Variants in DAAM2 observed in about 807,000 individuals in gnomAD.
The protein encoded by DAAM2 is dishevelled associated activator of morphogenesis 2, also known as disheveled-associated activator of morphogenesis 2.
Under a neutral mutation model 120.7 loss-of-function variants are expected in DAAM2, and 39 were observed. The ratio of observed to expected loss-of-function variants is 0.32; its 90% CI spans 0.25 to 0.42. The LOEUF (loss-of-function observed/expected upper bound fraction) is 0.42. DAAM2 is among the 10% of genes least tolerant of loss of function. DAAM2 has a pLI of 1.00. For synonymous variants in DAAM2, 488 were observed against 524.9 expected, an observed-to-expected ratio of 0.93 and a Z score of 0.96; for missense variants, 1,283 against 1,401.7, an observed-to-expected ratio of 0.92 and a Z score of 1.35.
chr6:39,799,007 TC>T (rs1219427764), intron 1 of DAAM2, among the ~76,000 whole-genome samples: 5 of 152,136 alleles, frequency 3.3e-5, no homozygotes, highest in Admixed American at 6.5e-5. Context: ...AGGCCCTTAA[TC>T]CAAGGCAATC....
intron 1 of DAAM2, among the ~76,000 whole-genome samples, chr6:39,825,979 A>G (rs1762659360): frequency 6.6e-6 from 1 of 152,228 alleles, no homozygotes; most frequent in Non-Finnish European, 1.5e-5. Context: ...TGAGGTTCAC[A>G]TTTTATGTGT....
At chr6:39,871,621 T>C in intron 9 of DAAM2, 49 bp downstream of exon 9, 3 of 1,512,946 alleles carry the variant, frequency 2.0e-6, no homozygotes, top group Non-Finnish European at 1.8e-6. Flanking sequence ...GTAGGGTTCT[T>C]GGTGGCCCCA....
At chr6:39,818,652 A>G (rs1159595917) in intron 1 of DAAM2, 1 of 152,138 alleles carries the variant, frequency 6.6e-6, no homozygotes, top group African/African-American at 2.4e-5. Context: ...TGTTTTCTTT[A>G]TAACATGTTT....
chr6:39,896,405 C>A (rs915367541), intron 19 of DAAM2, among the ~76,000 whole-genome samples: 1 of 151,954 alleles, frequency 6.6e-6, no homozygotes, highest in African/African-American at 2.4e-5. Context: ...GGTTTCACCA[C>A]GTTGGCCAGG....
rs1035110178 is a variant in DAAM2, at chr6:39,825,138, T to C, written c.-56-31109T>C. On this transcript the variant is annotated intron_variant, in intron 1 of 24. Transcript: ENST00000274867. ...GGTGCGGTGGCTCACGCCTGTAATC[T>C]CAGCACTTTGGGAGGCCAAGGCAGG... Among the ~76,000 whole-genome samples, 11 of 151,962 alleles carry C rather than the reference T, an allele frequency of 7.2e-5. 1 individual carries two copies. The highest frequency in any genetic ancestry group is 4.4e-5 in the Non-Finnish European group (3 of 67,976).
intron 14 of DAAM2, 146 bp downstream of exon 14, chr6:39,879,623 G>A: frequency 9.0e-7 from 1 of 1,112,986 alleles, no homozygotes; most frequent in Non-Finnish European, 1.4e-6. Context: ...TGTACAAAGT[G>A]GGTTTGCTGT....
At chr6:39,883,184 CTT>C (rs34461870) in intron 14 of DAAM2, among the ~76,000 whole-genome samples, 2,922 of 141,476 alleles carry the variant, frequency 0.021, 34 homozygotes, top group East Asian at 0.067. Flanking sequence ...ACTGCCAGGG[CTT>C]TTTTTTTTTT....
chr6:39,893,248 G>A (rs1224672825), intron 19 of DAAM2, among the ~76,000 whole-genome samples: 1 of 152,234 alleles, frequency 6.6e-6, no homozygotes, highest in African/African-American at 2.4e-5. Context: ...TGGGTGCGGT[G>A]GCTGATGCCT....
chr6:39,902,391 GGTCCACAGCCTT>G lies in DAAM2; in HGVS notation c.*360_*371del, dbSNP rs1185308747. On this transcript the variant is annotated 3_prime_UTR_variant, in exon 25 of 25. Transcript: ENST00000274867. ...AACAGTTCCAGATCTAGACTGGAGA[GGTCCACAGCCTT>G]GTCCAGAGTTCCTGTGTAGCACGGG... The G allele has an allele frequency of 2.7e-5, 5 of 186,940 alleles. No individual in the cohort carries two copies. The highest frequency in any genetic ancestry group is 1.2e-4 in the African/African-American group (5 of 42,924). 11.6% of individuals were successfully genotyped at this position (186,940 alleles called of 1,614,324 possible). A position where few individuals can be genotyped will look rare whatever the true frequency, so the allele number is the denominator to read the frequency against.
chr6:39,798,977 G>A (rs1761782356), intron 1 of DAAM2, among the ~76,000 whole-genome samples: 1 of 152,116 alleles, frequency 6.6e-6, no homozygotes, highest in Non-Finnish European at 1.5e-5. Context: ...TCGACGCCTG[G>A]AAGCCAAACC....
Position 39,878,975 on chromosome 6 carries a change from CTG to C in DAAM2, c.1546-200_1546-199del, listed in dbSNP as rs1263114504. ...GTCCGTGTGCGTGACGTGTGTGTGT[CTG>C]TGGTGGTGGTGTGTGTGTGTTTGCG... On this transcript the variant is annotated intron_variant, in intron 13 of 24. Transcript: ENST00000274867. This position sits in a 1 kb window ranked among gnomAD's most constrained non-coding sequence, Gnocchi z 5.0. 3.3e-5 allele frequency among the ~76,000 whole-genome samples: 5 copies of C among 151,848 alleles called. No individual in the cohort carries two copies. Among genetic ancestry groups the C allele is most frequent in the African/African-American group, 1.2e-4 (5 of 41,312 alleles).
intron 1 of DAAM2, among the ~76,000 whole-genome samples, chr6:39,798,344 C>T (rs553245606): frequency 3.3e-4 from 50 of 152,290 alleles, no homozygotes; most frequent in Middle Eastern, 3.4e-3. Context: ...GGGTTGTCAG[C>T]CCCTGGCGGA....
At chr6:39,858,901 C>A (rs945981490) in intron 2 of DAAM2, among the ~76,000 whole-genome samples, 2 of 152,034 alleles carry the variant, frequency 1.3e-5, no homozygotes, top group South Asian at 4.2e-4. Context: ...AGGAAGCCCA[C>A]GCAGGAACAT....
chr6:39,823,938 A>G (rs906432413), intron 1 of DAAM2, among the ~76,000 whole-genome samples: 1 of 151,974 alleles, frequency 6.6e-6, no homozygotes, highest in East Asian at 1.9e-4. Context: ...CTGCTTTTGA[A>G]TGATGCTCCA....
At chr6:39,844,753 A>G (rs1280451604) in intron 1 of DAAM2, among the ~76,000 whole-genome samples, 1 of 152,104 alleles carries the variant, frequency 6.6e-6, no homozygotes, top group Non-Finnish European at 1.5e-5. Context: ...GCTGATTTCC[A>G]GCGATCTTAC....
intron 1 of DAAM2, among the ~76,000 whole-genome samples, chr6:39,836,771 A>G (rs1479251921): frequency 5.3e-5 from 8 of 152,124 alleles, no homozygotes; most frequent in Non-Finnish European, 2.9e-5. Flanking sequence ...GATTTGGGGG[A>G]AAGCCCATTT....
intron 1 of DAAM2, chr6:39,849,038 A>G (rs1192819726): frequency 6.6e-6 from 1 of 152,262 alleles, no homozygotes; most frequent in Admixed American, 6.5e-5. Flanking sequence ...AGGAGCCAGT[A>G]CGATATATTA....
At chr6:39,887,630 G>C in intron 16 of DAAM2, 38 bp downstream of exon 16, 1 of 1,418,058 alleles carries the variant, frequency 7.1e-7, no homozygotes, top group African/African-American at 1.4e-5. Flanking sequence ...GGATGCCTGG[G>C]GGACAAAGGG....
At chr6:39,810,381 T>C (rs1227530775) in intron 1 of DAAM2, among the ~76,000 whole-genome samples, 4 of 152,172 alleles carry the variant, frequency 2.6e-5, no homozygotes, top group East Asian at 3.9e-4. Flanking sequence ...CAAAAACCTA[T>C]GTAATCAATA....
Sources: allele counts gnomAD v4.1 joint callset (sites outside exome capture counted in the v4.1 genomes callset), GRCh38; gene constraint gnomAD v4.1.1; non-coding constraint Gnocchi (gnomAD v3.1); transcripts MANE v1.5; gene names NCBI Gene and HGNC (gene_info 2026-07-23, HGNC 2026-07-21).